The following E2F3 variants were observed in gnomAD, a reference collection of about 807,000 sequenced individuals.
The protein encoded by E2F3 is transcription factor E2F3.
Under a neutral mutation model 44.4 loss-of-function variants are expected in E2F3, and 11 were observed. The ratio of observed to expected loss-of-function variants is 0.25; its 90% CI spans 0.16 to 0.41. The LOEUF (loss-of-function observed/expected upper bound fraction) is 0.41. Among genes scored for constraint, E2F3 ranks in the 10% least tolerant of loss-of-function variants. The pLI is 1.00. For synonymous variants in E2F3, 249 were observed against 253.0 expected, an observed-to-expected ratio of 0.98 and a Z score of 0.15; for missense variants, 487 against 583.6, an observed-to-expected ratio of 0.83 and a Z score of 1.70.
chr6:20,434,989 T>A (rs931134479), intron 1 of E2F3, among the ~76,000 whole-genome samples: 2 of 152,242 alleles, frequency 1.3e-5, no homozygotes, highest in African/African-American at 2.4e-5. Context: ...CCGACAGATT[T>A]GGCGTCAGCC....
At chr6:20,419,465 C>G (rs974907678) in intron 1 of E2F3, among the ~76,000 whole-genome samples, 3 of 152,188 alleles carry the variant, frequency 2.0e-5, no homozygotes, top group Non-Finnish European at 2.9e-5. Flanking sequence ...TTTTCTCATA[C>G]TTTTTCCAAC....
intron 1 of E2F3, among the ~76,000 whole-genome samples, chr6:20,404,609 C>A (rs1477628250): frequency 6.6e-6 from 1 of 152,200 alleles, no homozygotes; most frequent in African/African-American, 2.4e-5. Context: ...AATAATGAGG[C>A]GTTTTTTATT....
intron 1 of E2F3, among the ~76,000 whole-genome samples, chr6:20,460,944 C>T (rs1387833582): frequency 4.1e-5 from 5 of 123,056 alleles, no homozygotes; most frequent in African/African-American, 1.3e-4. Flanking sequence ...TCCAGTGAGC[C>T]GAGATCACAC....
chr6:20,421,202 A>G (rs1004188986), intron 1 of E2F3, among the ~76,000 whole-genome samples: 2 of 152,194 alleles, frequency 1.3e-5, no homozygotes, highest in African/African-American at 4.8e-5. Flanking sequence ...CCTGTCATCC[A>G]TAAGGGTTGG....
Position 20,479,865 on chromosome 6 carries a change from T to C in E2F3, c.413T>C (p.Leu138Pro). The change falls in exon 2 of 7, where the codon CTA becomes CCA. Residue 138 changes from leucine (L) to proline (P), a missense_variant. Coordinates refer to ENST00000346618, the MANE Select transcript of E2F3 (RefSeq NM_001949.5). ...TTACAGGCAAAGCGAAGGCTGGAGC[T>C]AGGAGAAAGCGGTCATCAGTACCTC... ...GGPPAKRRLE[L>P]GESGHQYLSD... The C allele has an allele frequency of 6.2e-7, 1 of 1,612,280 alleles. No homozygotes were observed. Among genetic ancestry groups the C allele is most frequent in the Non-Finnish European group, 8.5e-7 (1 of 1,179,198 alleles).
At chr6:20,454,287 T>C (rs1278333783) in intron 1 of E2F3, among the ~76,000 whole-genome samples, 4 of 152,218 alleles carry the variant, frequency 2.6e-5, no homozygotes, top group African/African-American at 9.7e-5. Flanking sequence ...TCAACAAGCC[T>C]CTCAGGTGTT....
intron 1 of E2F3, among the ~76,000 whole-genome samples, chr6:20,429,478 GA>G (rs978529540): frequency 2.0e-5 from 3 of 151,852 alleles, no homozygotes; most frequent in African/African-American, 7.3e-5. Context: ...TACTGTATAG[GA>G]AAAAACAGTA....
At chr6:20,458,007 A>G (rs887126655) in intron 1 of E2F3, among the ~76,000 whole-genome samples, 1 of 152,102 alleles carries the variant, frequency 6.6e-6, no homozygotes, top group African/African-American at 2.4e-5. Context: ...AGATCTTTTT[A>G]TGTTCATTTG....
At chr6:20,439,592 C>T (rs141339287) in intron 1 of E2F3, among the ~76,000 whole-genome samples, 1 of 152,250 alleles carries the variant, frequency 6.6e-6, no homozygotes, top group East Asian at 1.9e-4. Flanking sequence ...CATACAGTGG[C>T]GTGATCATAG....
intron 1 of E2F3, among the ~76,000 whole-genome samples, chr6:20,446,083 C>T (rs370047302): frequency 6.6e-6 from 1 of 152,004 alleles, no homozygotes. Context: ...AAAACCCACG[C>T]GGATGTGGGG....
Position 20,402,003 on chromosome 6 carries a change from C to A in E2F3, c.-230C>A. 1.6e-6 allele frequency: 1 copy of A among 644,552 alleles called. No homozygotes were observed. The highest frequency in any genetic ancestry group is 2.3e-6 in the Non-Finnish European group (1 of 439,656). 39.9% of individuals were successfully genotyped at this position (644,552 alleles called of 1,614,324 possible). ...CCGACGCCTCCATCCCCGCTTGGGG[C>A]CCGATATCCGTGCGGCCGGGACCCT... On this transcript the variant is annotated 5_prime_UTR_variant, in exon 1 of 7. Transcript: ENST00000346618. This position sits in a 1 kb window ranked among gnomAD's most constrained non-coding sequence, Gnocchi z 5.6.
intron 1 of E2F3, among the ~76,000 whole-genome samples, chr6:20,478,655 A>G (rs1369033593): frequency 6.6e-6 from 1 of 152,128 alleles, no homozygotes; most frequent in Admixed American, 6.6e-5. Context: ...CTAAAAATAC[A>G]AAAATTAGCT....
chr6:20,447,360 G>C (rs1354142353), intron 1 of E2F3, among the ~76,000 whole-genome samples: 1 of 151,826 alleles, frequency 6.6e-6, no homozygotes, highest in African/African-American at 2.4e-5. Context: ...GAGAGAGAAA[G>C]AGAAAGAGAA....
intron 1 of E2F3, among the ~76,000 whole-genome samples, chr6:20,425,577 C>T (rs866356395): frequency 1.4e-4 from 21 of 152,004 alleles, no homozygotes; most frequent in Admixed American, 1.3e-3. Context: ...TTAGTAGAGA[C>T]GGGGTTTCAC....
At chr6:20,429,481 A>T (rs375843622) in intron 1 of E2F3, among the ~76,000 whole-genome samples, 1 of 152,306 alleles carries the variant, frequency 6.6e-6, no homozygotes, top group African/African-American at 2.4e-5. Flanking sequence ...TGTATAGGAA[A>T]AAACAGTATG....
intron 1 of E2F3, among the ~76,000 whole-genome samples, chr6:20,436,169 T>G (rs1055145794): frequency 6.6e-6 from 1 of 152,026 alleles, no homozygotes; most frequent in Non-Finnish European, 1.5e-5. Flanking sequence ...TCAGTAGGGA[T>G]GAGGTTTCAC....
Position 20,489,983 on chromosome 6 carries a change from G to A in E2F3, c.1136-185G>A, listed in dbSNP as rs533829538. Among the ~76,000 whole-genome samples, 3 of 152,246 alleles carry A rather than the reference G, an allele frequency of 2.0e-5. No individual in the cohort carries two copies. The East Asian group carries it at 5.8e-4, about 29-fold the overall frequency. ...CTGTCTCAAAAATTAAAAGGGGGAC[G>A]GGGGTGGCAAGGAACTTTTTTGTAC... On this transcript the variant is annotated intron_variant, in intron 6 of 6. Transcript: ENST00000346618.
At chr6:20,480,068 C>G in intron 2 of E2F3, 111 bp downstream of exon 2, 1 of 1,448,444 alleles carries the variant, frequency 6.9e-7, no homozygotes, top group Middle Eastern at 1.8e-4. Context: ...ATGTTTTGTT[C>G]TTTTTCATTT....
At chr6:20,483,372 C>T (rs4134945) in intron 4 of E2F3, among the ~76,000 whole-genome samples, 14,039 of 152,162 alleles carry the variant, frequency 0.092, 836 homozygotes, top group Non-Finnish European at 0.13. Flanking sequence ...TTTCTTCTCA[C>T]CAGATATCGT....
Sources: allele counts gnomAD v4.1 joint callset (sites outside exome capture counted in the v4.1 genomes callset), GRCh38; gene constraint gnomAD v4.1.1; non-coding constraint Gnocchi (gnomAD v3.1); transcripts MANE v1.5; gene names NCBI Gene and HGNC (gene_info 2026-07-23, HGNC 2026-07-21).